TSPAN6: variants seen among roughly 807,000 people sequenced by gnomAD.
The protein encoded by TSPAN6 is tetraspanin-6.
Under a neutral mutation model 18.0 loss-of-function variants are expected in TSPAN6, and 13 were observed. That is an observed-to-expected ratio of 0.72 (90% CI 0.47 to 1.15). TSPAN6 has a LOEUF of 1.15. Ranked by LOEUF, TSPAN6 falls within the 50% of genes most tolerant of loss-of-function variation. TSPAN6 has a pLI of 0.00. For missense variants in TSPAN6, 186 were observed against 183.9 expected (o/e 1.01, Z -0.07); for synonymous variants, 82 against 67.0 (o/e 1.22, Z -1.09).
intron 6 of TSPAN6, among the ~76,000 whole-genome samples, chrX:100,631,484 T>C (rs2083058617): frequency 8.9e-6 from 1 of 112,002 alleles, no homozygotes; most frequent in Non-Finnish European, 1.9e-5. Flanking sequence ...ATTTCTAGTG[T>C]TTAATATAAA....
At chrX:100,632,654 C>A in intron 5 of TSPAN6, 86 bp from the exon 6 acceptor site, 1 of 587,132 alleles carries the variant, frequency 1.7e-6, no homozygotes, top group Admixed American at 3.4e-5. Flanking sequence ...GATCATATAA[C>A]TCTGCAGAAA....
Position 100,632,588 on chromosome X carries a change from A to T in TSPAN6, c.586-20T>A, listed in dbSNP as rs2083067315. ...ACAACCCTAATGGGAGGAAAAAAAC[A>T]AAGATTAAATACAGCACAAGCAGCC... is the stretch of plus-strand genomic sequence containing the variant. On this transcript the variant is annotated intron_variant, in intron 5 of 7. Transcript: ENST00000373020. 2.7e-6 allele frequency: 3 copies of T among 1,099,958 alleles called. No individual in the cohort carries two copies. 90.6% of individuals were successfully genotyped at this position (1,099,958 alleles called of 1,213,427 possible).
At chrX:100,637,070 C>T (rs2083101882), upstream of TSPAN6, 1 of 94,586 alleles carries the variant, frequency 1.1e-5, no homozygotes, top group Non-Finnish European at 2.0e-5. Flanking sequence ...GAGCCCGCAG[C>T]GCTCTGAGAT....
intron 7 of TSPAN6, among the ~76,000 whole-genome samples, chrX:100,630,554 A>G (rs946688169): frequency 8.9e-6 from 1 of 112,312 alleles, no homozygotes; most frequent in African/African-American, 3.2e-5. Context: ...GAGAGCATGC[A>G]TAGATAAGCT....
At chrX:100,634,490 G>A (rs1286595424) in intron 3 of TSPAN6, among the ~76,000 whole-genome samples, 11 of 110,188 alleles carry the variant, frequency 1.0e-4, no homozygotes, top group Non-Finnish European at 1.9e-4. Flanking sequence ...TTCTAATTCA[G>A]TATTAAGCTT....
intron 6 of TSPAN6, 42 bp from the exon 7 acceptor site, chrX:100,630,908 G>T (rs187400368): frequency 3.1e-4 from 304 of 973,922 alleles, no homozygotes; most frequent in Non-Finnish European, 4.2e-4. Flanking sequence ...ATACACAAAA[G>T]AACTTGAACA....
chrX:100,634,336 A>G (rs2083079819), intron 3 of TSPAN6, among the ~76,000 whole-genome samples: 1 of 111,586 alleles, frequency 9.0e-6, no homozygotes, highest in Non-Finnish European at 1.9e-5. Flanking sequence ...TCCACTTTAA[A>G]CTGAGTTCAA....
In TSPAN6 at chrX:100,629,694, A is replaced by C. The variant is rs1430179647; in HGVS notation, c.*332T>G. 1 of 112,389 alleles carries C rather than the reference A, an allele frequency of 8.9e-6. No homozygotes were observed. 9.3% of individuals were successfully genotyped at this position (112,389 alleles called of 1,213,427 possible). ...TAACAGTCAAGAGGAACACAGTATT[A>C]CTTCATTTACAATTTACTAGCTCTT... is the stretch of plus-strand genomic sequence containing the variant. On this transcript the variant is annotated 3_prime_UTR_variant, in exon 8 of 8. Transcript: ENST00000373020.
chrX:100,636,426 G>A lies in TSPAN6; in HGVS notation c.87+182C>T, dbSNP rs1049975274. The A allele has an allele frequency of 7.0e-6, 7 of 1,002,592 alleles. No homozygotes were observed. The African/African-American group carries it at 1.2e-4, about 17-fold the overall frequency. The allele number at this position is 1,002,592 out of a possible 1,213,427, so 82.6% of individuals were successfully genotyped here. On this transcript the variant is annotated intron_variant, in intron 1 of 7. Coordinates refer to ENST00000373020, the MANE Select transcript of TSPAN6 (RefSeq NM_003270.4). ...CGTCCCGCACTCCGACCCCAGCGCCGGCGAGATGCCTGAGCTCTTTGTTCG... is the reference window on the plus strand; with the variant it reads ...CGTCCCGCACTCCGACCCCAGCGCCAGCGAGATGCCTGAGCTCTTTGTTCG...
chrX:100,630,910 A>C, intron 6 of TSPAN6, 44 bp from the exon 7 acceptor site: 1 of 968,508 alleles, frequency 1.0e-6, no homozygotes, highest in Non-Finnish European at 1.5e-6. Flanking sequence ...ACACAAAAGA[A>C]CTTGAACACC....
chrX:100,636,555 C>G (rs757630480), intron 1 of TSPAN6, 53 bp downstream of exon 1: 47 of 1,156,637 alleles, frequency 4.1e-5, no homozygotes, highest in Non-Finnish European at 5.0e-5. Flanking sequence ...TCACACCCCC[C>G]ACAACTAAAA....
chrX:100,630,401 G>A (rs1190381022), intron 7 of TSPAN6, among the ~76,000 whole-genome samples: 2 of 111,909 alleles, frequency 1.8e-5, no homozygotes, highest in East Asian at 2.8e-4. Flanking sequence ...GGAACCTCAC[G>A]AATAAGGTCA....
At position 100,633,913 on chromosome X, in the gene TSPAN6, G is replaced by A; in HGVS notation, c.450+18C>T. On this transcript the variant is annotated intron_variant, in intron 4 of 7. Coordinates refer to ENST00000373020, the MANE Select transcript of TSPAN6 (RefSeq NM_003270.4). ...CAACAGGGAATGTGTTCCCCTCTAG[G>A]TGGTGGTTACCACTTACCGTATTTT... is the stretch of plus-strand genomic sequence containing the variant. The A allele has an allele frequency of 2.7e-6, 3 of 1,111,248 alleles. No individual in the cohort carries two copies. The South Asian group carries it at 5.6e-5, about 21-fold the overall frequency. The allele number at this position is 1,111,248 out of a possible 1,213,427, so 91.6% of individuals were successfully genotyped here.
Position 100,629,534 on chromosome X carries a change from G to A in TSPAN6, c.*492C>T, listed in dbSNP as rs2083045030. 8.9e-6 allele frequency: 1 copy of A among 112,130 alleles called. No individual in the cohort carries two copies. Among genetic ancestry groups the A allele is most frequent in the Non-Finnish European group, 1.9e-5 (1 of 53,217 alleles). The allele number at this position is 112,130 out of a possible 1,213,427, so 9.2% of individuals were successfully genotyped here. A position where few individuals can be genotyped will look rare whatever the true frequency, so the allele number is the denominator to read the frequency against. ...AAACCAGATAACCTTGACTGGGAAGGAGCCAGTTCAGAGGGGTGAATTTTC... is the reference window on the plus strand; with the variant it reads ...AAACCAGATAACCTTGACTGGGAAGAAGCCAGTTCAGAGGGGTGAATTTTC... On this transcript the variant is annotated 3_prime_UTR_variant, in exon 8 of 8. Coordinates refer to ENST00000373020, the MANE Select transcript of TSPAN6 (RefSeq NM_003270.4).
In TSPAN6 at chrX:100,629,198, C is replaced by T. The variant is rs2083042975; in HGVS notation, c.*828G>A. On this transcript the variant is annotated 3_prime_UTR_variant, in exon 8 of 8. Coordinates refer to ENST00000373020, the MANE Select transcript of TSPAN6 (RefSeq NM_003270.4). ...ATTCCTAAGGAAAATACAACAATTC[C>T]GACACCATTTAATAATTAGAAACTT... The T allele has an allele frequency of 8.9e-6, 1 of 111,815 alleles. No individual in the cohort carries two copies. The highest frequency in any genetic ancestry group is 3.7e-4 in the South Asian group (1 of 2,677). 9.2% of individuals were successfully genotyped at this position (111,815 alleles called of 1,213,427 possible).
At chrX:100,634,228 T>C (rs2083079295) in intron 3 of TSPAN6, among the ~76,000 whole-genome samples, 199 bp from the exon 4 acceptor site, 1 of 111,179 alleles carries the variant, frequency 9.0e-6, no homozygotes, top group African/African-American at 3.3e-5. Context: ...CATTAAAATA[T>C]ATGATGAGAA....
chrX:100,634,922 T>C (rs1267071423), intron 3 of TSPAN6, among the ~76,000 whole-genome samples: 2 of 112,545 alleles, frequency 1.8e-5, no homozygotes, highest in Admixed American at 9.4e-5. Context: ...AATTGTACTA[T>C]CTCCGTTTTA....
chrX:100,635,774 A>T lies in TSPAN6; in HGVS notation c.88-28T>A, dbSNP rs142718976. ...ATGTGGGAATTCAGAGAATACAAACAGTTACGCACTGTGTACAGCAGCATC... is the reference window on the plus strand; with the variant it reads ...ATGTGGGAATTCAGAGAATACAAACTGTTACGCACTGTGTACAGCAGCATC... On this transcript the variant is annotated intron_variant, in intron 1 of 7. Transcript: ENST00000373020. 2,024 of 1,095,972 alleles carry T rather than the reference A, an allele frequency of 1.8e-3. 24 individuals are homozygous for T. The African/African-American group carries it at 0.032, about 17-fold the overall frequency. 90.3% of individuals were successfully genotyped at this position (1,095,972 alleles called of 1,213,427 possible).
Position 100,633,426 on chromosome X carries a change from A to G in TSPAN6, c.564T>C (p.Asp188=), listed in dbSNP as rs2083073517. 8.3e-7 allele frequency: 1 copy of G among 1,209,798 alleles called. No homozygotes were observed. Among genetic ancestry groups the G allele is most frequent in the Non-Finnish European group, 1.1e-6 (1 of 894,427 alleles). ...TTACTTCATTGTTTACTTTGTCTGC[A>G]TCTCTCTGTGGAGTACAATCTTCAA... The part of the protein sequence containing the change: ...CKLEDCTPQR[D]ADKVNNEGCF... Residue 188 remains aspartate, a synonymous_variant, in exon 5 of 8, where the codon GAT becomes GAC. Transcript: ENST00000373020.
Sources: allele counts gnomAD v4.1 joint callset (sites outside exome capture counted in the v4.1 genomes callset), GRCh38; gene constraint gnomAD v4.1.1; transcripts MANE v1.5; gene names NCBI Gene and HGNC (gene_info 2026-07-23, HGNC 2026-07-21).